The following IGF2BP2 variants were observed in gnomAD, a reference collection of about 807,000 sequenced individuals.
The protein encoded by IGF2BP2 is insulin like growth factor 2 mRNA binding protein 2.
Under a neutral mutation model 75.8 loss-of-function variants are expected in IGF2BP2, and 17 were observed. The ratio of observed to expected loss-of-function variants is 0.22; its 90% CI spans 0.15 to 0.34. IGF2BP2 has a LOEUF of 0.34. Ranked by LOEUF, IGF2BP2 falls within the 10% of genes least tolerant of loss-of-function variation. The pLI is 1.00. For missense variants in IGF2BP2, 516 were observed against 772.4 expected, an observed-to-expected ratio of 0.67 and a Z score of 3.93; for synonymous variants, 288 against 295.6, an observed-to-expected ratio of 0.97 and a Z score of 0.26.
intron 2 of IGF2BP2, among the ~76,000 whole-genome samples, chr3:185,804,862 G>A (rs957104670): frequency 4.0e-5 from 6 of 151,646 alleles, no homozygotes; most frequent in East Asian, 1.9e-4. Flanking sequence ...AGTGGGTGGC[G>A]GGTGCCTGTA....
At chr3:185,702,522 T>C (rs1723448812) in intron 2 of IGF2BP2, among the ~76,000 whole-genome samples, 1 of 152,172 alleles carries the variant, frequency 6.6e-6, no homozygotes, top group Admixed American at 6.5e-5. Context: ...ACAGTTCCAA[T>C]ATGTTAAAGA....
chr3:185,681,478 A>C (rs1192332689), intron 7 of IGF2BP2, among the ~76,000 whole-genome samples: 1 of 152,232 alleles, frequency 6.6e-6, no homozygotes, highest in Admixed American at 6.5e-5. Context: ...ATGGATTGGA[A>C]TACTTAATAT....
intron 2 of IGF2BP2, among the ~76,000 whole-genome samples, chr3:185,714,840 A>T (rs2149435221): frequency 6.6e-6 from 1 of 152,306 alleles, no homozygotes; most frequent in Admixed American, 6.5e-5. Context: ...AACTTCACAG[A>T]ATTCTTCCTT....
intron 2 of IGF2BP2, among the ~76,000 whole-genome samples, chr3:185,753,077 T>C (rs1731165776): frequency 6.6e-6 from 1 of 152,208 alleles, no homozygotes; most frequent in Non-Finnish European, 1.5e-5. Context: ...AAAGACCTTG[T>C]GTGAGATCAA....
chr3:185,667,459 C>A (rs1203297958), intron 10 of IGF2BP2, among the ~76,000 whole-genome samples: 1 of 152,060 alleles, frequency 6.6e-6, no homozygotes, highest in African/African-American at 2.4e-5. Flanking sequence ...TGCACTCCAG[C>A]CTGGGCAACA....
intron 10 of IGF2BP2, among the ~76,000 whole-genome samples, chr3:185,659,911 C>T (rs1041181825): frequency 3.9e-5 from 6 of 152,100 alleles, no homozygotes; most frequent in African/African-American, 1.4e-4. Context: ...TCTCCTGCCT[C>T]AGCCTCCCAA....
At chr3:185,665,998 G>GTACA (rs1301242546) in intron 10 of IGF2BP2, among the ~76,000 whole-genome samples, 1 of 128,216 alleles carries the variant, frequency 7.8e-6, no homozygotes, top group Non-Finnish European at 1.6e-5. Context: ...AGGTAGATAG[G>GTACA]TACATAGATA....
At chr3:185,742,866 T>A (rs1425442957) in intron 2 of IGF2BP2, among the ~76,000 whole-genome samples, 1 of 152,040 alleles carries the variant, frequency 6.6e-6, no homozygotes, top group Non-Finnish European at 1.5e-5. Flanking sequence ...TTTGGGCGGC[T>A]GAGGCGGGCA....
chr3:185,727,647 T>G (rs1228582565), intron 2 of IGF2BP2, among the ~76,000 whole-genome samples: 1 of 152,192 alleles, frequency 6.6e-6, no homozygotes, highest in Admixed American at 6.5e-5. Flanking sequence ...TCCTAAAAAT[T>G]CAATTTCTTA....
At chr3:185,791,485 TTTC>T (rs1736635242) in intron 2 of IGF2BP2, among the ~76,000 whole-genome samples, 1 of 152,230 alleles carries the variant, frequency 6.6e-6, no homozygotes, top group Non-Finnish European at 1.5e-5. Context: ...AAAGTTTTTC[TTTC>T]TTCAACTCAA....
At chr3:185,753,656 C>G (rs915633968) in intron 2 of IGF2BP2, among the ~76,000 whole-genome samples, 10 of 152,182 alleles carry the variant, frequency 6.6e-5, no homozygotes, top group Admixed American at 5.9e-4. Context: ...CCCACCTCCC[C>G]CTTCTGATTT....
At chr3:185,777,008 C>A (rs1734611724) in intron 2 of IGF2BP2, among the ~76,000 whole-genome samples, 1 of 152,112 alleles carries the variant, frequency 6.6e-6, no homozygotes. Context: ...GGTTAAAATA[C>A]AATTATTCAG....
rs1400803708 is a variant in IGF2BP2 at position 185,644,061 on chromosome 3, C to T, written c.*1470G>A. 6.6e-6 allele frequency: 1 copy of T among 152,182 alleles called. No homozygotes were observed. The highest frequency in any genetic ancestry group is 1.9e-4 in the East Asian group (1 of 5,174). The allele number at this position is 152,182 out of a possible 1,614,324, so 9.4% of individuals were successfully genotyped here. On this transcript the variant is annotated 3_prime_UTR_variant, in exon 16 of 16. Transcript: ENST00000382199. ...GCTAGCGGAAGACAATTCAGAACAG[C>T]TGTTGCACACTTGGACTGTCACCTT...
At chr3:185,780,519 C>T (rs1735074303) in intron 2 of IGF2BP2, among the ~76,000 whole-genome samples, 1 of 152,124 alleles carries the variant, frequency 6.6e-6, no homozygotes, top group Admixed American at 6.6e-5. Flanking sequence ...TTTTTTCTCG[C>T]GTTTTCTCCC....
intron 2 of IGF2BP2, among the ~76,000 whole-genome samples, chr3:185,721,483 T>TG (rs531712775): frequency 1.9e-3 from 284 of 152,214 alleles, no homozygotes; most frequent in African/African-American, 6.5e-3. Context: ...ATTACAGGCA[T>TG]AGCCACTGCA....
intron 2 of IGF2BP2, among the ~76,000 whole-genome samples, chr3:185,788,126 T>A (rs1178737668): frequency 2.6e-5 from 4 of 152,204 alleles, no homozygotes; most frequent in Admixed American, 1.3e-4. Flanking sequence ...AAAAAGTGTT[T>A]ACCCTCTTTT....
At chr3:185,658,962 G>C (rs1377667192) in intron 10 of IGF2BP2, among the ~76,000 whole-genome samples, 1 of 152,178 alleles carries the variant, frequency 6.6e-6, no homozygotes, top group African/African-American at 2.4e-5. Context: ...TGTCAAAGGA[G>C]ACTGAGCTTT....
intron 2 of IGF2BP2, among the ~76,000 whole-genome samples, chr3:185,772,537 G>A (rs929916962): frequency 2.6e-5 from 4 of 150,990 alleles, no homozygotes; most frequent in African/African-American, 7.3e-5. Context: ...TCATTACAAT[G>A]GGATAATCCC....
chr3:185,703,589 G>T (rs1279267720), intron 2 of IGF2BP2, among the ~76,000 whole-genome samples: 1 of 151,960 alleles, frequency 6.6e-6, no homozygotes, highest in African/African-American at 2.4e-5. Flanking sequence ...GGCCAACATG[G>T]TGAAACCCTA....
Sources: gnomAD v4.1 joint callset for allele counts (sites outside exome capture counted in the v4.1 genomes callset) on GRCh38, gnomAD v4.1.1 for gene constraint, MANE v1.5 for transcripts, NCBI Gene and HGNC (gene_info 2026-07-23, HGNC 2026-07-21) for gene names.